METTL24: variants seen among roughly 807,000 people sequenced by gnomAD.
METTL24 encodes probable methyltransferase-like protein 24.
In METTL24, 29 loss-of-function variants were observed where a neutral mutation model predicts 32.7. That is an observed-to-expected ratio of 0.89 (90% CI 0.66 to 1.21). The LOEUF (loss-of-function observed/expected upper bound fraction) is 1.21. Among genes scored for constraint, METTL24 ranks in the 50% most tolerant of loss-of-function variants. METTL24 has a pLI of 0.00. For synonymous variants in METTL24, 163 were observed against 179.5 expected (o/e 0.91, Z 0.73); for missense variants, 439 against 468.1 (o/e 0.94, Z 0.57).
At chr6:110,264,471 A>G (rs1233127889) in intron 4 of METTL24, among the ~76,000 whole-genome samples, 1 of 152,162 alleles carries the variant, frequency 6.6e-6, no homozygotes, top group African/African-American at 2.4e-5. Context: ...GTCAGGAAAC[A>G]ACAGGTGCTA....
intron 1 of METTL24, among the ~76,000 whole-genome samples, chr6:110,340,547 G>A (rs1006094814): frequency 3.3e-5 from 5 of 152,146 alleles, no homozygotes; most frequent in African/African-American, 1.2e-4. Context: ...TCCTATGGCC[G>A]ATTCTGACCC....
Position 110,299,078 on chromosome 6 carries a change from AG to A in METTL24, c.629del (p.Pro210LeufsTer46). Reference sequence around the variant, plus strand: ...CCAGAATGTGAGCTGACTTGACACTAGGATCAAAACGATGCACTTCACATCC... The same window carrying A: ...CCAGAATGTGAGCTGACTTGACACTAGATCAAAACGATGCACTTCACATCC... ...NNGCEVHRFD[P>X]SVKSAHILES... On this transcript the variant is annotated frameshift_variant, in exon 4 of 5. Coordinates refer to ENST00000338882, the MANE Select transcript of METTL24 (RefSeq NM_001123364.3). LOFTEE classifies it high-confidence loss of function. 6.2e-7 allele frequency: 1 copy of A among 1,614,194 alleles called. No individual in the cohort carries two copies. The highest frequency in any genetic ancestry group is 8.5e-7 in the Non-Finnish European group (1 of 1,180,028).
chr6:110,321,420 C>A (rs1394384545), intron 2 of METTL24, among the ~76,000 whole-genome samples: 1 of 152,106 alleles, frequency 6.6e-6, no homozygotes, highest in African/African-American at 2.4e-5. Context: ...TGGTAGCTTG[C>A]ATTACATAAA....
rs577390407 is a variant in METTL24 at position 110,299,349 on chromosome 6, A to G, written c.558-199T>C. ...GCTCAAAGCTTCTGGATAAAAGATAAATTATCTGCTAGACAAAGACCAGAG... is the reference window on the plus strand; with the variant it reads ...GCTCAAAGCTTCTGGATAAAAGATAGATTATCTGCTAGACAAAGACCAGAG... On this transcript the variant is annotated intron_variant, in intron 3 of 4. Coordinates refer to ENST00000338882, the MANE Select transcript of METTL24 (RefSeq NM_001123364.3). Among the ~76,000 whole-genome samples the G allele has an allele frequency of 5.8e-4, 89 of 152,346 alleles. 1 individual carries two copies. Among genetic ancestry groups the G allele is most frequent in the Middle Eastern group, 3.4e-3 (1 of 294 alleles).
intron 4 of METTL24, among the ~76,000 whole-genome samples, chr6:110,288,624 C>CA (rs1310892105): frequency 1.3e-5 from 2 of 151,516 alleles, no homozygotes; most frequent in African/African-American, 4.9e-5. Flanking sequence ...AAACACAAAG[C>CA]AAAAATAGGG....
intron 1 of METTL24, among the ~76,000 whole-genome samples, chr6:110,351,244 C>T (rs1358163534): frequency 1.3e-5 from 2 of 152,054 alleles, no homozygotes; most frequent in Admixed American, 6.6e-5. Flanking sequence ...AATGTCTTCA[C>T]AAATGACTTT....
At chr6:110,299,402 T>C in intron 3 of METTL24, among the ~76,000 whole-genome samples, 1 of 152,122 alleles carries the variant, frequency 6.6e-6, no homozygotes, top group East Asian at 1.9e-4. Flanking sequence ...TGTAGGCGCA[T>C]CATCAAATTG....
chr6:110,298,801 G>A, intron 4 of METTL24, 121 bp downstream of exon 4: 1 of 780,490 alleles, frequency 1.3e-6, no homozygotes, highest in South Asian at 1.7e-5. Context: ...TGGGTGATTA[G>A]TAAGATTAAA....
At chr6:110,286,302 T>A (rs892623472) in intron 4 of METTL24, among the ~76,000 whole-genome samples, 8 of 152,152 alleles carry the variant, frequency 5.3e-5, no homozygotes, top group African/African-American at 1.9e-4. Context: ...CAGAGGTTCC[T>A]CAAAGGGATG....
intron 4 of METTL24, among the ~76,000 whole-genome samples, chr6:110,257,573 G>A (rs972587178): frequency 5.3e-5 from 8 of 152,170 alleles, no homozygotes; most frequent in East Asian, 1.9e-4. Flanking sequence ...CAGCATCACC[G>A]AGATGGCTCG....
At chr6:110,285,902 C>A (rs1381157128) in intron 4 of METTL24, among the ~76,000 whole-genome samples, 1 of 152,230 alleles carries the variant, frequency 6.6e-6, no homozygotes, top group Non-Finnish European at 1.5e-5. Context: ...AATGCCAGCT[C>A]CCTGGGGGCT....
chr6:110,302,532 T>C (rs200180814), intron 3 of METTL24, among the ~76,000 whole-genome samples: 1 of 74,608 alleles, frequency 1.3e-5, no homozygotes, highest in Non-Finnish European at 2.6e-5. Flanking sequence ...TGTGTATATA[T>C]ACACATATAC....
At chr6:110,287,319 C>T (rs139175888) in intron 4 of METTL24, among the ~76,000 whole-genome samples, 6 of 152,284 alleles carry the variant, frequency 3.9e-5, no homozygotes, top group Admixed American at 1.3e-4. Flanking sequence ...TGCAGATTGA[C>T]GGAGACCGAC....
chr6:110,253,963 A>G, intron 4 of METTL24: 1 of 1,436,616 alleles, frequency 7.0e-7, no homozygotes. Context: ...AAGTGGGTGA[A>G]GGTCCAGACC....
At chr6:110,257,127 C>T (rs1369958114) in intron 4 of METTL24, among the ~76,000 whole-genome samples, 1 of 152,140 alleles carries the variant, frequency 6.6e-6, no homozygotes, top group Non-Finnish European at 1.5e-5. Flanking sequence ...GAAATAGATA[C>T]AAATTGGTTT....
chr6:110,319,435 A>AGATAGAT (rs1432844284), intron 2 of METTL24, among the ~76,000 whole-genome samples: 2 of 151,770 alleles, frequency 1.3e-5, no homozygotes, highest in African/African-American at 4.9e-5. Flanking sequence ...ATAGATAGAT[A>AGATAGAT]GATAGATAGA....
intron 1 of METTL24, among the ~76,000 whole-genome samples, chr6:110,340,247 G>A (rs1772326790): frequency 6.6e-6 from 1 of 151,590 alleles, no homozygotes; most frequent in South Asian, 2.1e-4. Flanking sequence ...TGGGGGTGGT[G>A]AGGAGGGGTC....
chr6:110,257,157 T>A (rs117348781), intron 4 of METTL24, among the ~76,000 whole-genome samples: 11 of 152,322 alleles, frequency 7.2e-5, no homozygotes, highest in Non-Finnish European at 1.3e-4. Flanking sequence ...GAATATTTCA[T>A]TAGCATTAAA....
intron 4 of METTL24, among the ~76,000 whole-genome samples, chr6:110,296,879 G>A (rs917634226): frequency 2.6e-5 from 4 of 152,044 alleles, no homozygotes; most frequent in Non-Finnish European, 5.9e-5. Flanking sequence ...AAAACAGATC[G>A]TGCTTGCTAC....
Sources: gnomAD v4.1 joint callset for allele counts (sites outside exome capture counted in the v4.1 genomes callset) on GRCh38, gnomAD v4.1.1 for gene constraint, MANE v1.5 for transcripts, NCBI Gene and HGNC (gene_info 2026-07-23, HGNC 2026-07-21) for gene names.